The following COG6 variants were observed in gnomAD, a reference collection of about 807,000 sequenced individuals.
The protein encoded by COG6 is component of oligomeric golgi complex 6.
A neutral mutation model predicts 88.8 loss-of-function variants in COG6; 74 were observed. That is an observed-to-expected ratio of 0.83 (90% CI 0.69 to 1.01). The LOEUF is 1.01. Among genes scored for constraint, COG6 ranks in the 50% least tolerant of loss-of-function variants. The pLI is 0.00. For synonymous variants in COG6, 286 were observed against 278.7 expected (o/e 1.03, Z -0.26); for missense variants, 800 against 797.9 (o/e 1.00, Z -0.03).
At chr13:39,665,206 A>G in intron 4 of COG6, 52 bp downstream of exon 4, 2 of 927,726 alleles carry the variant, frequency 2.2e-6, no homozygotes, top group Non-Finnish European at 3.6e-6. Flanking sequence ...GATTGGAGTC[A>G]AAGAAAATTA....
At position 39,679,586 on chromosome 13, in the gene COG6, A is replaced by G; in HGVS notation, c.589A>G (p.Lys197Glu). The G allele has an allele frequency of 6.2e-7, 1 of 1,608,344 alleles. No homozygotes were observed. The highest frequency in any genetic ancestry group is 8.5e-7 in the Non-Finnish European group (1 of 1,174,836). Residue 197 changes from lysine to glutamate, a missense_variant, in exon 6 of 19, where the codon AAA becomes GAA. By Grantham distance (56) the Lys-to-Glu change is moderately conservative. Coordinates refer to ENST00000455146, the MANE Select transcript of COG6 (RefSeq NM_020751.3). ...GRVKQIHNDVKVLLRTNQQTA... is the reference protein window; with the variant it reads ...GRVKQIHNDVEVLLRTNQQTA... ...AGTAAAACAGATTCATAATGATGTC[A>G]AAGTTCTCTTGCGTACAAATCAACA... is the stretch of plus-strand genomic sequence containing the variant.
intron 18 of COG6, among the ~76,000 whole-genome samples, chr13:39,745,097 G>A (rs1880268518): frequency 1.3e-5 from 2 of 152,116 alleles, no homozygotes; most frequent in Admixed American, 1.3e-4. Flanking sequence ...ATTTCAAGAT[G>A]GATTAAAGAC....
At chr13:39,755,084 T>C (rs1374787822), downstream of COG6, among the ~76,000 whole-genome samples, 2 of 152,060 alleles carry the variant, frequency 1.3e-5, no homozygotes, top group African/African-American at 2.4e-5. Context: ...TGTCCCTTCA[T>C]AAAGGTAGCA....
rs573495183 is a variant in COG6, at chr13:39,776,345, A to C, written c.1827-11990A>C. ...ACCAATTTTATCCAAAGAATAAATC[A>C]ACAAACACCCAGAAGCAATCTGCCC... On this transcript the variant is annotated intron_variant, in intron 18 of 18. Transcript: ENST00000416691. Among the ~76,000 whole-genome samples, 26 of 152,340 alleles carry C rather than the reference A, an allele frequency of 1.7e-4. No individual in the cohort carries two copies. In the South Asian group the frequency reaches 5.2e-3, roughly 30 times the overall value.
intron 12 of COG6, 36 bp downstream of exon 12, chr13:39,694,761 A>G (rs746274842): frequency 3.4e-5 from 38 of 1,121,884 alleles, no homozygotes; most frequent in South Asian, 1.4e-4. Flanking sequence ...GCTAAATCCA[A>G]TGTGATATTT....
At chr13:39,782,919 T>A (rs1881672348) in intron 18 of COG6, among the ~76,000 whole-genome samples, 1 of 152,206 alleles carries the variant, frequency 6.6e-6, no homozygotes, top group Non-Finnish European at 1.5e-5. Flanking sequence ...AGGGAGCTTC[T>A]AGGGTGCTGC....
rs1875172610 is a variant in COG6, at chr13:39,665,154, G to C, written c.428G>C (p.Ser143Thr). 2 of 1,514,114 alleles carry C rather than the reference G, an allele frequency of 1.3e-6. No individual in the cohort carries two copies. The highest frequency in any genetic ancestry group is 1.8e-6 in the Non-Finnish European group (2 of 1,090,178). 93.8% of individuals were successfully genotyped at this position (1,514,114 alleles called of 1,614,324 possible). ...IVKTTKLQSE[S>T]QKLEIRAQVA... ...AAAACCACTAAGCTTCAATCTGAAA[G>C]GTAAGTTTTTCTTCATACAACCACC... The change falls in exon 4 of 19, where the codon AGC becomes ACC. Residue 143 changes from serine (S) to threonine (T), a missense_variant and splice_region_variant. Coordinates refer to ENST00000455146, the MANE Select transcript of COG6 (RefSeq NM_020751.3).
intron 18 of COG6, among the ~76,000 whole-genome samples, chr13:39,732,647 A>G (rs1328911071): frequency 6.6e-6 from 1 of 152,216 alleles, no homozygotes; most frequent in African/African-American, 2.4e-5. Flanking sequence ...GGCCAGTTGA[A>G]CACTCCAGAG....
chr13:39,664,973 C>T (rs1875156463), intron 3 of COG6, 123 bp from the exon 4 acceptor site: 1 of 646,872 alleles, frequency 1.5e-6, no homozygotes, highest in South Asian at 1.8e-5. Flanking sequence ...TTTTATTGTG[C>T]TTTTGAGTTC....
intron 18 of COG6, among the ~76,000 whole-genome samples, chr13:39,736,556 T>C (rs1879754231): frequency 6.6e-6 from 1 of 151,648 alleles, no homozygotes; most frequent in African/African-American, 2.4e-5. Context: ...CCAGGCATAG[T>C]GGTGCATGCC....
intron 18 of COG6, 57 bp from the exon 19 acceptor site, chr13:39,750,889 C>T: frequency 7.4e-7 from 1 of 1,358,456 alleles, no homozygotes; most frequent in Non-Finnish European, 1.0e-6. Flanking sequence ...TCTTACAATT[C>T]TTAGTAAATA....
intron 4 of COG6, among the ~76,000 whole-genome samples, chr13:39,677,136 T>C (rs1048723433): frequency 6.6e-6 from 1 of 152,170 alleles, no homozygotes; most frequent in African/African-American, 2.4e-5. Flanking sequence ...TATAAAAGCA[T>C]CTAGCAAACT....
At chr13:39,791,039 A>G (rs2138198975) in exon 19 of COG6, 1 of 152,234 alleles carries the variant, frequency 6.6e-6, no homozygotes, top group African/African-American at 2.4e-5. Context: ...TGCCTCAGGA[A>G]CAGTATAAGA....
At chr13:39,777,139 A>G (rs1881488249) in intron 18 of COG6, among the ~76,000 whole-genome samples, 3 of 152,284 alleles carry the variant, frequency 2.0e-5, no homozygotes, top group Admixed American at 6.5e-5. Flanking sequence ...TGAGAAGGCA[A>G]GGTTAAATAT....
chr13:39,751,102 T>C lies in COG6; in HGVS notation c.*9T>C, dbSNP rs374756792. On this transcript the variant is annotated 3_prime_UTR_variant, in exon 19 of 19. Transcript: ENST00000455146. The stretch of plus-strand genomic sequence containing the variant: ...AGACGCTTCTTTCCTGATTATCTTA[T>C]TTCATTGTGTTAGCAAAATATGACC... 65 of 1,613,352 alleles carry C rather than the reference T, an allele frequency of 4.0e-5. 1 individual carries two copies. The African/African-American group carries it at 5.5e-4, about 14-fold the overall frequency.
At chr13:39,685,429 A>G (rs1876580433) in intron 8 of COG6, among the ~76,000 whole-genome samples, 1 of 152,090 alleles carries the variant, frequency 6.6e-6, no homozygotes, top group Non-Finnish European at 1.5e-5. Flanking sequence ...ATGTTTATTG[A>G]TATTTTATAG....
At chr13:39,683,465 A>G (rs1213857623) in intron 8 of COG6, among the ~76,000 whole-genome samples, 1 of 152,186 alleles carries the variant, frequency 6.6e-6, no homozygotes, top group African/African-American at 2.4e-5. Context: ...ACCTTTGGGA[A>G]ATTAATTGTA....
chr13:39,735,257 A>G (rs373221269), intron 18 of COG6, among the ~76,000 whole-genome samples: 1 of 151,108 alleles, frequency 6.6e-6, no homozygotes, highest in Admixed American at 6.6e-5. Context: ...TATTTTTTGT[A>G]TATCTGTTGT....
At chr13:39,694,286 G>T (rs965246056) in intron 11 of COG6, among the ~76,000 whole-genome samples, 5 of 151,738 alleles carry the variant, frequency 3.3e-5, no homozygotes, top group Non-Finnish European at 7.4e-5. Context: ...TTGATAATCT[G>T]TTTTAGGGAT....
Sources: allele counts gnomAD v4.1 joint callset (sites outside exome capture counted in the v4.1 genomes callset), GRCh38; gene constraint gnomAD v4.1.1; transcripts MANE v1.5; gene names NCBI Gene and HGNC (gene_info 2026-07-23, HGNC 2026-07-21).